USP31: variants seen among roughly 807,000 people sequenced by gnomAD.
USP31 encodes the protein ubiquitin specific peptidase 31.
In USP31, 44 loss-of-function variants were observed where a neutral mutation model predicts 119.4. The ratio of observed to expected loss-of-function variants is 0.37; its 90% CI spans 0.29 to 0.47. USP31 has a LOEUF of 0.47. Among genes scored for constraint, USP31 ranks in the 20% least tolerant of loss-of-function variants. The pLI is 0.99. For missense variants in USP31, 1,643 were observed against 1,730.2 expected, an observed-to-expected ratio of 0.95 and a Z score of 0.89; for synonymous variants, 749 against 705.6, an observed-to-expected ratio of 1.06 and a Z score of -0.97.
rs943334394 is a variant in USP31, at chr16:23,071,643, G to A, written c.2488+402C>T. Among the ~76,000 whole-genome samples, 3 of 152,100 alleles carry A rather than the reference G, an allele frequency of 2.0e-5. No individual in the cohort carries two copies. In the East Asian group the frequency reaches 5.8e-4, roughly 29 times the overall value. On this transcript the variant is annotated intron_variant, in intron 15 of 15. Coordinates refer to ENST00000219689, the MANE Select transcript of USP31 (RefSeq NM_020718.4). ...GCTCTCCTGGGGCCAAGAGAGCCAG[G>A]GGCCTCCATGCCAAGCCTGGAGCCG...
chr16:23,103,013 C>G (rs1394733557), intron 5 of USP31, among the ~76,000 whole-genome samples: 1 of 152,152 alleles, frequency 6.6e-6, no homozygotes, highest in Non-Finnish European at 1.5e-5. Context: ...TATCCTAGTG[C>G]AAGGGTTCCT....
intron 1 of USP31, among the ~76,000 whole-genome samples, chr16:23,108,741 G>A (rs968823319): frequency 6.6e-6 from 1 of 152,198 alleles, no homozygotes; most frequent in Admixed American, 6.5e-5. Context: ...CTGGGTGATA[G>A]AATAACAGGT....
chr16:23,116,608 G>A (rs1328874877), intron 1 of USP31, among the ~76,000 whole-genome samples: 1 of 152,176 alleles, frequency 6.6e-6, no homozygotes, highest in African/African-American at 2.4e-5. Context: ...CCTCTGAGGG[G>A]AGAGGAGACA....
chr16:23,097,115 A>G (rs1901647972), intron 6 of USP31, among the ~76,000 whole-genome samples: 1 of 152,190 alleles, frequency 6.6e-6, no homozygotes. Flanking sequence ...TAAAGAAAAA[A>G]AGAGAGAAGA....
chr16:23,078,137 C>T (rs942559473), intron 13 of USP31, among the ~76,000 whole-genome samples: 1 of 151,776 alleles, frequency 6.6e-6, no homozygotes, highest in African/African-American at 2.4e-5. Context: ...CATGGTGAAA[C>T]CCCGTCTCTA....
At chr16:23,071,680 C>CA in intron 15 of USP31, among the ~76,000 whole-genome samples, 1 of 151,740 alleles carries the variant, frequency 6.6e-6, no homozygotes, top group African/African-American at 2.4e-5. Context: ...CTCCCCACCA[C>CA]GTGGCCTGGG....
chr16:23,074,917 G>A lies in USP31; in HGVS notation c.2177-1037C>T, dbSNP rs141223051. 1.9e-3 allele frequency among the ~76,000 whole-genome samples: 283 copies of A among 152,238 alleles called. 1 individual carries two copies. Among genetic ancestry groups the A allele is most frequent in the East Asian group, 2.7e-3 (14 of 5,186 alleles). On this transcript the variant is annotated intron_variant, in intron 13 of 15. Transcript: ENST00000219689. ...GCATTTATTTGGGGTGAGAATAAAC[G>A]AGTGCTAGAATATTTAGCTGAATGC... is the stretch of plus-strand genomic sequence containing the variant.
At position 23,065,934 on chromosome 16, in the gene USP31, T is replaced by C. The variant is rs1015606269; in HGVS notation, c.*2112A>G. ...AAAAATGAGAGGTTTGAGTTAGACA[T>C]TCAATTCCTGATATAGATGATCTCT... On this transcript the variant is annotated 3_prime_UTR_variant, in exon 16 of 16. Transcript: ENST00000219689. The C allele has an allele frequency of 2.6e-5, 4 of 152,226 alleles. No homozygotes were observed. Among genetic ancestry groups the C allele is most frequent in the African/African-American group, 9.7e-5 (4 of 41,450 alleles). The allele number at this position is 152,226 out of a possible 1,614,324, so 9.4% of individuals were successfully genotyped here.
At chr16:23,080,283 T>A in intron 12 of USP31, 112 bp from the exon 13 acceptor site, 1 of 877,474 alleles carries the variant, frequency 1.1e-6, no homozygotes. Context: ...GTTACCTATC[T>A]GATGTTTCCC....
At chr16:23,146,929 A>G (rs1470324254) in intron 1 of USP31, among the ~76,000 whole-genome samples, 1 of 151,376 alleles carries the variant, frequency 6.6e-6, no homozygotes, top group Non-Finnish European at 1.5e-5. Flanking sequence ...AGCTACTGTT[A>G]CCTGCCAATG....
At chr16:23,137,239 G>A (rs978270092) in intron 1 of USP31, among the ~76,000 whole-genome samples, 4 of 151,934 alleles carry the variant, frequency 2.6e-5, no homozygotes, top group African/African-American at 4.8e-5. Context: ...AAAACAATGC[G>A]ATACCACTTT....
At chr16:23,147,582 C>G (rs1178832979) in intron 1 of USP31, among the ~76,000 whole-genome samples, 1 of 152,190 alleles carries the variant, frequency 6.6e-6, no homozygotes, top group African/African-American at 2.4e-5. Context: ...CTCACCCTCT[C>G]ACTACACTTG....
At chr16:23,082,686 A>G in intron 11 of USP31, 129 bp from the exon 12 acceptor site, 1 of 1,267,570 alleles carries the variant, frequency 7.9e-7, no homozygotes, top group African/African-American at 1.5e-5. Flanking sequence ...CTGGGCATCA[A>G]TGGAATAACA....
At chr16:23,144,917 T>C (rs924957380) in intron 1 of USP31, among the ~76,000 whole-genome samples, 1 of 152,208 alleles carries the variant, frequency 6.6e-6, no homozygotes, top group Non-Finnish European at 1.5e-5. Context: ...TCTAATTATA[T>C]CACTTCCTTG....
chr16:23,125,611 C>T (rs1311036932), intron 1 of USP31, among the ~76,000 whole-genome samples: 4 of 152,214 alleles, frequency 2.6e-5, no homozygotes, highest in Non-Finnish European at 4.4e-5. Flanking sequence ...TTTCCACGAG[C>T]TGTTGCTTTT....
At chr16:23,074,098 C>G (rs1286738003) in intron 13 of USP31, 1 of 559,526 alleles carries the variant, frequency 1.8e-6, no homozygotes, top group South Asian at 2.0e-5. Context: ...AGATGCAGTT[C>G]CAGTTCATCT....
chr16:23,071,993 CT>C, intron 15 of USP31, 51 bp downstream of exon 15: 1 of 1,569,262 alleles, frequency 6.4e-7, no homozygotes, highest in Non-Finnish European at 8.6e-7. Context: ...AGGGACTCTG[CT>C]GTGTCTGTGA....
At position 23,078,036 on chromosome 16, in the gene USP31, G is replaced by A. The variant is rs138510937; in HGVS notation, c.2176+1910C>T. On this transcript the variant is annotated intron_variant, in intron 13 of 15. Coordinates refer to ENST00000219689, the MANE Select transcript of USP31 (RefSeq NM_020718.4). ...GGTCATTAAAAAGTATTTATAGGCC[G>A]GGCGCAGTGGCTCATGCCTGTAATC... Among the ~76,000 whole-genome samples, 46 of 152,164 alleles carry A rather than the reference G, an allele frequency of 3.0e-4. 1 individual carries two copies. In the East Asian group the frequency reaches 5.0e-3, roughly 17 times the overall value.
intron 7 of USP31, 142 bp from the exon 8 acceptor site, chr16:23,087,977 T>C: frequency 1.5e-6 from 1 of 680,138 alleles, no homozygotes. Context: ...ACAGGAAATT[T>C]AATGGTAACT....
Sources: allele counts gnomAD v4.1 joint callset (sites outside exome capture counted in the v4.1 genomes callset), GRCh38; gene constraint gnomAD v4.1.1; transcripts MANE v1.5; gene names NCBI Gene and HGNC (gene_info 2026-07-23, HGNC 2026-07-21).